The following UGGT2 variants were observed in gnomAD, a reference collection of about 807,000 sequenced individuals.
UGGT2 encodes UDP-glucose:glycoprotein glucosyltransferase 2.
A neutral mutation model predicts 192.1 loss-of-function variants in UGGT2; 180 were observed. The ratio of observed to expected loss-of-function variants is 0.94; its 90% CI spans 0.83 to 1.06. The LOEUF is 1.06. Among genes scored for constraint, UGGT2 ranks in the 50% least tolerant of loss-of-function variants. The probability of loss-of-function intolerance (pLI) is 0.00; values close to 1 mark genes in which losing one functional copy is unlikely to be tolerated. For synonymous variants in UGGT2, 580 were observed against 591.0 expected (o/e 0.98, Z 0.27); for missense variants, 1,849 against 1,795.7 (o/e 1.03, Z -0.54).
intron 36 of UGGT2, among the ~76,000 whole-genome samples, chr13:95,845,496 T>C (rs971007844): frequency 3.3e-5 from 5 of 151,428 alleles, no homozygotes; most frequent in Admixed American, 2.0e-4. Context: ...GGTAAGGTTA[T>C]AGATTAACAG....
intron 31 of UGGT2, among the ~76,000 whole-genome samples, chr13:95,861,699 CAACTT>C (rs1890186592): frequency 1.3e-5 from 2 of 152,022 alleles, no homozygotes; most frequent in Admixed American, 6.6e-5. Flanking sequence ...ATTGGGTAAA[CAACTT>C]AAATCACCAT....
At chr13:95,915,470 T>A (rs1256008982) in intron 20 of UGGT2, among the ~76,000 whole-genome samples, 1 of 152,242 alleles carries the variant, frequency 6.6e-6, no homozygotes, top group Non-Finnish European at 1.5e-5. Flanking sequence ...TAAACTAATA[T>A]ATCCCCAGAA....
At chr13:95,877,916 GAAAT>G (rs780596524) in intron 27 of UGGT2, 60 bp from the exon 28 acceptor site, 16 of 1,490,876 alleles carry the variant, frequency 1.1e-5, no homozygotes, top group Admixed American at 2.0e-5. Flanking sequence ...ACAAAATTTT[GAAAT>G]AAATAAATGT....
chr13:95,907,956 A>G (rs1164302348), intron 20 of UGGT2, among the ~76,000 whole-genome samples: 1 of 152,218 alleles, frequency 6.6e-6, no homozygotes, highest in African/African-American at 2.4e-5. Context: ...TCTCTGAGCT[A>G]AAGAAGGATA....
chr13:95,972,996 C>T (rs1217807476), intron 10 of UGGT2, among the ~76,000 whole-genome samples: 1 of 152,264 alleles, frequency 6.6e-6, no homozygotes, highest in African/African-American at 2.4e-5. Context: ...CATGGTGAAA[C>T]CCCATCTCTA....
intron 33 of UGGT2, among the ~76,000 whole-genome samples, chr13:95,857,948 T>A (rs574586063): frequency 4.6e-5 from 7 of 152,034 alleles, no homozygotes; most frequent in East Asian, 1.9e-4. Context: ...TGTTAAAAAA[T>A]TAGTAGAAAA....
At chr13:95,997,761 C>A (rs2051672387) in intron 6 of UGGT2, among the ~76,000 whole-genome samples, 1 of 152,168 alleles carries the variant, frequency 6.6e-6, no homozygotes, top group African/African-American at 2.4e-5. Context: ...ATAAAGACTT[C>A]CCATGGAGCC....
At chr13:95,946,528 C>G (rs1290080654) in intron 15 of UGGT2, among the ~76,000 whole-genome samples, 1 of 151,994 alleles carries the variant, frequency 6.6e-6, no homozygotes, top group African/African-American at 2.4e-5. Flanking sequence ...GCCGCTGCAC[C>G]TGGAATTTTT....
chr13:95,964,623 A>G (rs1014901845), intron 12 of UGGT2, among the ~76,000 whole-genome samples: 4 of 152,204 alleles, frequency 2.6e-5, no homozygotes, highest in Non-Finnish European at 5.9e-5. Context: ...AAACAATCTT[A>G]TTTTTAAAAG....
chr13:95,837,722 C>T (rs1324727976), intron 36 of UGGT2, among the ~76,000 whole-genome samples: 2 of 152,120 alleles, frequency 1.3e-5, no homozygotes, highest in South Asian at 2.1e-4. Context: ...AAGTTAGAGA[C>T]CTTTGGAGAG....
At chr13:95,871,078 A>G (rs369139418) in intron 29 of UGGT2, among the ~76,000 whole-genome samples, 7 of 152,374 alleles carry the variant, frequency 4.6e-5, no homozygotes, top group African/African-American at 1.7e-4. Flanking sequence ...CACCATCTAA[A>G]CAAAAAATGA....
intron 15 of UGGT2, 38 bp downstream of exon 15, chr13:95,946,999 T>C (rs749463886): frequency 6.7e-7 from 1 of 1,492,564 alleles, no homozygotes; most frequent in Non-Finnish European, 8.9e-7. Flanking sequence ...GCAAGAATTT[T>C]ACCTTCTAAA....
At chr13:95,978,369 AATTAG>A (rs2140837114) in intron 10 of UGGT2, among the ~76,000 whole-genome samples, 1 of 152,266 alleles carries the variant, frequency 6.6e-6, no homozygotes, top group African/African-American at 2.4e-5. Flanking sequence ...CCTATTTTAA[AATTAG>A]ATTATTCATT....
chr13:95,834,217 TTGTGTG>T (rs3052314), intron 37 of UGGT2, among the ~76,000 whole-genome samples: 1 of 150,862 alleles, frequency 6.6e-6, no homozygotes, highest in East Asian at 1.9e-4. Context: ...TACATTGGGT[TTGTGTG>T]TGTGTGTGTG....
rs1003758981 is a variant in UGGT2, at chr13:95,914,536, A to T, written c.2295+11144T>A. Among the ~76,000 whole-genome samples the T allele has an allele frequency of 4.3e-5, 6 of 140,140 alleles. 1 individual carries two copies. The highest frequency in any genetic ancestry group is 1.6e-4 in the African/African-American group (6 of 38,058). The allele number at this position is 140,140 out of a possible 152,430, so 91.9% of individuals were successfully genotyped here. A position where few individuals can be genotyped will look rare whatever the true frequency, so the allele number is the denominator to read the frequency against. ...CTGCCTATAATCCCAGCACTTTGGG[A>T]GGCTGAGGCAGGTGGATCACCTGAG... is the stretch of plus-strand genomic sequence containing the variant. On this transcript the variant is annotated intron_variant, in intron 20 of 38. Transcript: ENST00000376747.
intron 33 of UGGT2, 21 bp downstream of exon 33, chr13:95,859,570 C>T (rs374825563): frequency 1.3e-6 from 2 of 1,563,638 alleles, no homozygotes; most frequent in African/African-American, 2.7e-5. Flanking sequence ...AACCATTCTA[C>T]AAAAAAAGCT....
At chr13:95,893,063 TG>T in intron 24 of UGGT2, among the ~76,000 whole-genome samples, 1 of 152,278 alleles carries the variant, frequency 6.6e-6, no homozygotes, top group African/African-American at 2.4e-5. Flanking sequence ...CTTTCAGGGC[TG>T]GGGAAAAAAT....
chr13:96,025,283 T>G (rs527452492), intron 2 of UGGT2, among the ~76,000 whole-genome samples: 17 of 152,246 alleles, frequency 1.1e-4, no homozygotes, highest in African/African-American at 3.9e-4. Context: ...AGTCCCATGG[T>G]CCAATTAATA....
At chr13:96,018,352 C>T (rs1409996029) in intron 4 of UGGT2, among the ~76,000 whole-genome samples, 1 of 151,844 alleles carries the variant, frequency 6.6e-6, no homozygotes, top group Non-Finnish European at 1.5e-5. Flanking sequence ...CCCGTCTCTA[C>T]AAAAAATACA....
Sources: allele counts gnomAD v4.1 joint callset (sites outside exome capture counted in the v4.1 genomes callset), GRCh38; gene constraint gnomAD v4.1.1; transcripts MANE v1.5; gene names NCBI Gene and HGNC (gene_info 2026-07-23, HGNC 2026-07-21).